RAPGEF6: variants seen among roughly 807,000 people sequenced by gnomAD.
The protein encoded by RAPGEF6 is PDZ domain containing guanine nucleotide exchange factor (GEF) 2.
RAPGEF6 carries 56 observed loss-of-function variants against 171.4 expected under a neutral mutation model. The ratio of observed to expected loss-of-function variants is 0.33; its 90% confidence interval spans 0.26 to 0.41. The LOEUF (loss-of-function observed/expected upper bound fraction) is 0.41. Among genes scored for constraint, RAPGEF6 ranks in the 10% least tolerant of loss-of-function variants. RAPGEF6 has a pLI of 1.00. For synonymous variants in RAPGEF6, 692 were observed against 650.1 expected, an observed-to-expected ratio of 1.06 and a Z score of -0.98; for missense variants, 1,674 against 1,921.4, an observed-to-expected ratio of 0.87 and a Z score of 2.41.
At chr5:131,538,949 T>C (rs970868535) in intron 6 of RAPGEF6, among the ~76,000 whole-genome samples, 70 of 152,294 alleles carry the variant, frequency 4.6e-4, no homozygotes, top group Non-Finnish European at 2.1e-4. Context: ...AGTATTCTCC[T>C]AAAGGATGTT....
intron 26 of RAPGEF6, among the ~76,000 whole-genome samples, chr5:131,430,329 G>A (rs1260374963): frequency 1.3e-5 from 2 of 151,764 alleles, no homozygotes; most frequent in Non-Finnish European, 2.9e-5. Context: ...AAAAAAAAAA[G>A]TTTACTAAGA....
chr5:131,565,139 TA>T (rs1374130517), intron 4 of RAPGEF6, among the ~76,000 whole-genome samples: 1 of 152,142 alleles, frequency 6.6e-6, no homozygotes, highest in Non-Finnish European at 1.5e-5. Context: ...TCACTGTATA[TA>T]AAGTGAATCC....
chr5:131,536,250 C>A (rs1226294607), intron 6 of RAPGEF6, among the ~76,000 whole-genome samples: 1 of 152,070 alleles, frequency 6.6e-6, no homozygotes, highest in Non-Finnish European at 1.5e-5. Flanking sequence ...CTGAAATGAT[C>A]ATAGGTAACA....
chr5:131,473,796 G>A (rs948480926), intron 16 of RAPGEF6, among the ~76,000 whole-genome samples: 2 of 152,064 alleles, frequency 1.3e-5, no homozygotes, highest in Non-Finnish European at 2.9e-5. Context: ...AGGATTTTAC[G>A]TAGATTAGAA....
chr5:131,541,725 T>C (rs951844640), intron 6 of RAPGEF6, among the ~76,000 whole-genome samples: 1 of 152,198 alleles, frequency 6.6e-6, no homozygotes, highest in Non-Finnish European at 1.5e-5. Context: ...AGGTAATGTA[T>C]TTAAAAACTA....
chr5:131,505,426 T>C lies in RAPGEF6; in HGVS notation c.1039A>G (p.Thr347Ala), dbSNP rs1018983001. The change falls in exon 10 of 28, where the codon ACT becomes GCT. Residue 347 changes from threonine to alanine, a missense_variant. Transcript: ENST00000509018. ...ATGTACTGCTTATCCAGAGTGGGAG[T>C]AATTCCAAAACTATTTCCCATAAAC... is the stretch of plus-strand genomic sequence containing the variant. Reference protein sequence around the residue: ...NLFMGNSFGITPTLDKQYMHG... With the variant: ...NLFMGNSFGIAPTLDKQYMHG... The C allele has an allele frequency of 6.2e-7, 1 of 1,613,358 alleles. No homozygotes were observed. Among genetic ancestry groups the C allele is most frequent in the African/African-American group, 1.3e-5 (1 of 74,870 alleles).
chr5:131,502,074 T>C (rs924271566), intron 11 of RAPGEF6, among the ~76,000 whole-genome samples: 18 of 152,130 alleles, frequency 1.2e-4, no homozygotes, highest in African/African-American at 4.1e-4. Flanking sequence ...GATGGGGATA[T>C]GTCAAAAAAT....
At chr5:131,560,740 G>A (rs1426079669) in intron 5 of RAPGEF6, among the ~76,000 whole-genome samples, 3 of 152,074 alleles carry the variant, frequency 2.0e-5, no homozygotes, top group Non-Finnish European at 2.9e-5. Flanking sequence ...CGATACTCTC[G>A]GAGACACAAG....
intron 17 of RAPGEF6, among the ~76,000 whole-genome samples, chr5:131,465,192 T>G (rs1185218948): frequency 6.6e-6 from 1 of 152,180 alleles, no homozygotes; most frequent in Non-Finnish European, 1.5e-5. Flanking sequence ...CAAGAACATT[T>G]TAAATGTTCA....
At chr5:131,433,716 A>T in intron 24 of RAPGEF6, 58 bp from the exon 25 acceptor site, 4 of 1,230,156 alleles carry the variant, frequency 3.3e-6, no homozygotes, top group Non-Finnish European at 2.3e-6. Flanking sequence ...TGGTGGGGGT[A>T]GTAGGGGAAA....
At chr5:131,626,329 T>C (rs929091458) in intron 1 of RAPGEF6, among the ~76,000 whole-genome samples, 1 of 152,088 alleles carries the variant, frequency 6.6e-6, no homozygotes, top group African/African-American at 2.4e-5. Context: ...CCACAAACCA[T>C]ACCAATAGCT....
intron 16 of RAPGEF6, among the ~76,000 whole-genome samples, chr5:131,475,024 A>C (rs1327591110): frequency 6.6e-6 from 1 of 152,242 alleles, no homozygotes; most frequent in African/African-American, 2.4e-5. Context: ...AGAAAATACG[A>C]AAAGTCCTTA....
Position 131,476,869 on chromosome 5 carries a change from A to G in RAPGEF6, c.2081+2644T>C, listed in dbSNP as rs563378776. Among the ~76,000 whole-genome samples the G allele has an allele frequency of 6.6e-5, 10 of 152,326 alleles. 1 individual carries two copies. The South Asian group carries it at 2.1e-3, about 32-fold the overall frequency. ...CTTTTAAAGCTTTTAATAGAAAGGC[A>G]TCACTTTATATTAGCACACCAGTCT... On this transcript the variant is annotated intron_variant, in intron 16 of 27. Coordinates refer to ENST00000509018, the MANE Select transcript of RAPGEF6 (RefSeq NM_016340.6).
chr5:131,540,639 A>G (rs1760074308), intron 6 of RAPGEF6, among the ~76,000 whole-genome samples: 2 of 152,242 alleles, frequency 1.3e-5, no homozygotes, highest in Admixed American at 6.5e-5. Flanking sequence ...TTTCTTAACT[A>G]AAGTATGCAA....
chr5:131,594,518 C>A (rs1315044646), intron 3 of RAPGEF6, among the ~76,000 whole-genome samples: 1 of 152,346 alleles, frequency 6.6e-6, no homozygotes, highest in African/African-American at 2.4e-5. Flanking sequence ...AGCCCCCACA[C>A]AGAGTCCCCA....
intron 1 of RAPGEF6, among the ~76,000 whole-genome samples, chr5:131,620,087 C>CT (rs1043865189): frequency 6.6e-6 from 1 of 152,110 alleles, no homozygotes; most frequent in Non-Finnish European, 1.5e-5. Flanking sequence ...GCGGCGGCTG[C>CT]TTTTTTTCAG....
At chr5:131,550,381 T>C (rs1760845257) in intron 5 of RAPGEF6, among the ~76,000 whole-genome samples, 2 of 152,244 alleles carry the variant, frequency 1.3e-5, no homozygotes, top group African/African-American at 4.8e-5. Context: ...AAAATACTTT[T>C]ATCACCTTAT....
chr5:131,630,226 C>A (rs1451735599), intron 1 of RAPGEF6, among the ~76,000 whole-genome samples: 1 of 152,218 alleles, frequency 6.6e-6, no homozygotes, highest in Non-Finnish European at 1.5e-5. Context: ...GACCCTCCAC[C>A]AGCTAAAAGA....
intron 6 of RAPGEF6, 22 bp downstream of exon 6, chr5:131,548,025 A>C (rs1223240097): frequency 6.2e-7 from 1 of 1,607,352 alleles, no homozygotes; most frequent in Admixed American, 1.7e-5. Context: ...AAGATTCATG[A>C]AGTGTTCCTA....
Sources: gnomAD v4.1 joint callset for allele counts (sites outside exome capture counted in the v4.1 genomes callset) on GRCh38, gnomAD v4.1.1 for gene constraint, MANE v1.5 for transcripts, NCBI Gene and HGNC (gene_info 2026-07-23, HGNC 2026-07-21) for gene names.